Variants in ZFAT observed in about 807,000 individuals in gnomAD.
ZFAT encodes the protein zinc finger and AT-hook domain containing.
A neutral mutation model predicts 117.7 loss-of-function variants in ZFAT; 64 were observed. The observed-to-expected ratio is 0.54, with a 90% CI of 0.44 to 0.67. The LOEUF (loss-of-function observed/expected upper bound fraction) is 0.67, where lower values mean the gene tolerates loss of function less well. ZFAT is among the 30% of genes least tolerant of loss of function. ZFAT has a pLI of 0.00. For synonymous variants in ZFAT, 679 were observed against 615.0 expected (o/e 1.10, Z -1.54); for missense variants, 1,433 against 1,584.5 (o/e 0.90, Z 1.62).
At chr8:134,687,512 C>T (rs1342691603) in intron 1 of ZFAT, among the ~76,000 whole-genome samples, 1 of 152,134 alleles carries the variant, frequency 6.6e-6, no homozygotes, top group Non-Finnish European at 1.5e-5. Context: ...ATAATCATAG[C>T]TTTAAAATGT....
rs532031020 is a variant in ZFAT at position 134,629,024 on chromosome 8, G to C, written c.448+8437C>G. Among the ~76,000 whole-genome samples, 5 of 152,332 alleles carry C rather than the reference G, an allele frequency of 3.3e-5. No homozygotes were observed. The South Asian group carries it at 1.0e-3, about 32-fold the overall frequency. On this transcript the variant is annotated intron_variant, in intron 3 of 15. Transcript: ENST00000377838. ...GAGCATGAATTGGGGTAAATAGGCA[G>C]ACTGGAGCTGTCACAGAGTCCACAG...
At chr8:134,526,657 C>T (rs987615204) in intron 12 of ZFAT, among the ~76,000 whole-genome samples, 11 of 152,120 alleles carry the variant, frequency 7.2e-5, no homozygotes, top group Admixed American at 2.6e-4. Flanking sequence ...TGGTGCTTGA[C>T]GTTATTGAAA....
rs1379907838 is a variant in ZFAT, at chr8:134,478,941, C to T, written c.3493-220G>A. ...GGGCAACGTGGTCAGGGTCCCCAGC[C>T]GTGGCAAATGGTGGAACCTAAGTTC... On this transcript the variant is annotated intron_variant, in intron 15 of 15. Transcript: ENST00000377838. The surrounding 1 kb of genome is among the most constrained non-coding windows in gnomAD (Gnocchi z 5.2). Among the ~76,000 whole-genome samples the T allele has an allele frequency of 2.0e-5, 3 of 152,242 alleles. No individual in the cohort carries two copies. The highest frequency in any genetic ancestry group is 1.3e-4 in the Admixed American group (2 of 15,298).
intron 11 of ZFAT, among the ~76,000 whole-genome samples, chr8:134,540,435 G>A (rs1400109449): frequency 6.6e-6 from 1 of 152,142 alleles, no homozygotes; most frequent in Admixed American, 6.5e-5. Context: ...GAAACCTCCT[G>A]GTGGGTGTCC....
At chr8:134,780,937 G>A in the ZFAT span, among the ~76,000 whole-genome samples, 5 of 152,022 alleles carry the variant, frequency 3.3e-5, no homozygotes, top group South Asian at 4.1e-4. Flanking sequence ...ATAATTACCC[G>A]CATGAGTGTC....
At chr8:134,500,573 T>C (rs1818900754) in intron 15 of ZFAT, among the ~76,000 whole-genome samples, 1 of 152,216 alleles carries the variant, frequency 6.6e-6, no homozygotes, top group African/African-American at 2.4e-5. Context: ...GTAACTACTA[T>C]GGTGTAAGAG....
In ZFAT at chr8:134,512,509, G is replaced by T. The variant is rs371747997; in HGVS notation, c.3327C>A (p.Ala1109=). 6.2e-7 allele frequency: 1 copy of T among 1,613,992 alleles called. No individual in the cohort carries two copies. Among genetic ancestry groups the T allele is most frequent in the South Asian group, 1.1e-5 (1 of 91,074 alleles). The change falls in exon 14 of 16, where the codon GCC becomes GCA. Residue 1109 remains alanine (A), a synonymous_variant. Coordinates refer to ENST00000377838, the MANE Select transcript of ZFAT (RefSeq NM_020863.4). ...AGGTGTATCTCAGGTCCTGGAGCGCGGCCACCGCTGCCTGTGTCCCTTGAA... is the reference window on the plus strand; with the variant it reads ...AGGTGTATCTCAGGTCCTGGAGCGCTGCCACCGCTGCCTGTGTCCCTTGAA... ...EDVQGTQAAV[A]ALQDLRYTSE... is the part of the protein sequence containing the mutation.
chr8:134,732,124 A>G, the ZFAT span, among the ~76,000 whole-genome samples: 1 of 152,226 alleles, frequency 6.6e-6, no homozygotes, highest in South Asian at 2.1e-4. Flanking sequence ...GTATAAAAAT[A>G]AACTGTGAGC....
intron 1 of ZFAT, among the ~76,000 whole-genome samples, chr8:134,692,414 C>A (rs956310545): frequency 6.6e-6 from 1 of 152,216 alleles, no homozygotes; most frequent in Non-Finnish European, 1.5e-5. Flanking sequence ...GCGCCCCAGC[C>A]CTACCTCAAT....
chr8:134,793,702 C>A, the ZFAT span: 1 of 150,992 alleles, frequency 6.6e-6, no homozygotes, highest in Non-Finnish European at 1.5e-5. Flanking sequence ...CAGTGCCTAA[C>A]AGGCCACAGA....
chr8:134,769,545 G>T, the ZFAT span, among the ~76,000 whole-genome samples: 1 of 152,190 alleles, frequency 6.6e-6, no homozygotes, highest in African/African-American at 2.4e-5. Context: ...TCATTGGATG[G>T]TGTTGAGTGT....
chr8:134,783,585 AACAT>A, the ZFAT span: 2 of 152,206 alleles, frequency 1.3e-5, no homozygotes, highest in African/African-American at 4.8e-5. Context: ...GGATTTGCAG[AACAT>A]ACAGTCTCTA....
the ZFAT span, among the ~76,000 whole-genome samples, chr8:134,811,279 C>T: frequency 6.6e-6 from 1 of 152,116 alleles, no homozygotes; most frequent in African/African-American, 2.4e-5. Context: ...ATTTGACAAA[C>T]ATGAAACCAT....
At chr8:134,805,010 G>C in the ZFAT span, 1 of 485,444 alleles carries the variant, frequency 2.1e-6, no homozygotes, top group Non-Finnish European at 4.3e-6. Flanking sequence ...ATCATCTTCA[G>C]CTAATAATTT....
intron 1 of ZFAT, among the ~76,000 whole-genome samples, chr8:134,694,829 G>A (rs1450406447): frequency 1.3e-5 from 2 of 152,084 alleles, no homozygotes; most frequent in African/African-American, 2.4e-5. Flanking sequence ...GAAGACATTC[G>A]GAGTATTAAA....
the ZFAT span, among the ~76,000 whole-genome samples, chr8:134,805,631 A>G: frequency 1.3e-5 from 2 of 152,264 alleles, no homozygotes; most frequent in Non-Finnish European, 2.9e-5. Context: ...TAAGTGAAAT[A>G]TAAGTAAATC....
the ZFAT span, chr8:134,794,974 A>AT: frequency 6.6e-6 from 1 of 152,132 alleles, no homozygotes. Flanking sequence ...GATAGCCACC[A>AT]TTTTTTTATT....
At chr8:134,521,059 C>T in intron 12 of ZFAT, 58 bp from the exon 13 acceptor site, 10 of 1,265,208 alleles carry the variant, frequency 7.9e-6, no homozygotes, top group South Asian at 3.8e-5. Context: ...AAAAATGCAA[C>T]AGTTCCTCCT....
intron 2 of ZFAT, among the ~76,000 whole-genome samples, chr8:134,649,915 T>C (rs1010041885): frequency 6.6e-6 from 1 of 152,044 alleles, no homozygotes; most frequent in Non-Finnish European, 1.5e-5. Flanking sequence ...GTTTCCCCCA[T>C]GCCGTTCTCG....
Sources: gnomAD v4.1 joint callset for allele counts (sites outside exome capture counted in the v4.1 genomes callset) on GRCh38, gnomAD v4.1.1 for gene constraint, Gnocchi (gnomAD v3.1) non-coding constraint, MANE v1.5 for transcripts, NCBI Gene and HGNC (gene_info 2026-07-23, HGNC 2026-07-21) for gene names.